The following PCDH9 variants were observed in gnomAD, a reference collection of about 807,000 sequenced individuals.
The protein encoded by PCDH9 is protocadherin 9.
Under a neutral mutation model 70.6 loss-of-function variants are expected in PCDH9, and 24 were observed. The observed-to-expected ratio is 0.34, with a 90% CI of 0.25 to 0.48. The LOEUF (loss-of-function observed/expected upper bound fraction) is 0.48. Among genes scored for constraint, PCDH9 ranks in the 20% least tolerant of loss-of-function variants. The pLI, the probability that PCDH9 is intolerant of heterozygous loss-of-function variation, is 0.99. For synonymous variants in PCDH9, 562 were observed against 558.5 expected (o/e 1.01, Z -0.09); for missense variants, 1,281 against 1,503.6 (o/e 0.85, Z 2.45).
intron 3 of PCDH9, among the ~76,000 whole-genome samples, chr13:66,800,842 A>C (rs188868851): frequency 6.6e-6 from 1 of 152,258 alleles, no homozygotes. Context: ...AGAGGATAAT[A>C]ATGCTACCTA....
intron 4 of PCDH9, among the ~76,000 whole-genome samples, chr13:66,349,517 GC>G (rs1593841209): frequency 6.6e-6 from 1 of 152,176 alleles, no homozygotes; most frequent in East Asian, 1.9e-4. Context: ...CACACCCAGA[GC>G]TTTTTTCACA....
intron 4 of PCDH9, among the ~76,000 whole-genome samples, chr13:66,460,989 T>C (rs1270642877): frequency 1.3e-5 from 2 of 151,924 alleles, no homozygotes; most frequent in Non-Finnish European, 2.9e-5. Context: ...GGGTTTTTCA[T>C]ATCTGTTCCA....
chr13:66,579,354 C>T (rs1767645589), intron 4 of PCDH9, among the ~76,000 whole-genome samples: 1 of 151,914 alleles, frequency 6.6e-6, no homozygotes, highest in Admixed American at 6.6e-5. Flanking sequence ...AGCTAAAATG[C>T]TAAACTTCGA....
At chr13:66,492,531 TC>T (rs1194483301) in intron 4 of PCDH9, among the ~76,000 whole-genome samples, 1 of 150,308 alleles carries the variant, frequency 6.7e-6, no homozygotes, top group East Asian at 1.9e-4. Context: ...TAAAATGGGT[TC>T]AATAAAGGAA....
intron 3 of PCDH9, among the ~76,000 whole-genome samples, chr13:66,711,801 G>A (rs1192929421): frequency 1.3e-5 from 2 of 152,126 alleles, no homozygotes; most frequent in African/African-American, 2.4e-5. Context: ...TATGCTCAGC[G>A]TTTTAAAGAA....
intron 3 of PCDH9, among the ~76,000 whole-genome samples, chr13:66,841,347 T>C (rs1363561225): frequency 6.6e-6 from 1 of 152,136 alleles, no homozygotes; most frequent in East Asian, 1.9e-4. Flanking sequence ...AATTATGTGA[T>C]TTCCCCCCAC....
At chr13:66,518,769 C>T (rs9540783) in intron 4 of PCDH9, among the ~76,000 whole-genome samples, 145,764 of 152,192 alleles carry the variant, frequency 0.96, 70,147 homozygotes, top group East Asian at 1. Context: ...ATGCCTGGAC[C>T]GCAGTGCTGT....
intron 4 of PCDH9, among the ~76,000 whole-genome samples, chr13:66,549,406 C>T (rs146689260): frequency 1.3e-5 from 2 of 152,084 alleles, no homozygotes; most frequent in African/African-American, 4.8e-5. Context: ...TGCTATTATA[C>T]ACATCATCAG....
chr13:66,399,226 T>A (rs979771080), intron 4 of PCDH9, among the ~76,000 whole-genome samples: 1 of 152,168 alleles, frequency 6.6e-6, no homozygotes, highest in African/African-American at 2.4e-5. Flanking sequence ...TCCTGAGTAA[T>A]TAGCCTGGGT....
chr13:66,693,705 T>C (rs1566509924), intron 3 of PCDH9, among the ~76,000 whole-genome samples: 1 of 152,192 alleles, frequency 6.6e-6, no homozygotes. Context: ...CCAAATTATA[T>C]CTTCCTTAAT....
At chr13:66,702,250 A>T (rs1217693279) in intron 3 of PCDH9, among the ~76,000 whole-genome samples, 1 of 152,168 alleles carries the variant, frequency 6.6e-6, no homozygotes, top group African/African-American at 2.4e-5. Flanking sequence ...TTGAAATCTG[A>T]GCACTAAAAT....
At chr13:66,663,821 T>C (rs1397835908) in intron 3 of PCDH9, among the ~76,000 whole-genome samples, 1 of 152,210 alleles carries the variant, frequency 6.6e-6, no homozygotes, top group Non-Finnish European at 1.5e-5. Flanking sequence ...ATGGAATCCT[T>C]TGCAGATAGA....
chr13:66,956,964 G>A (rs1287081350), intron 2 of PCDH9, among the ~76,000 whole-genome samples: 1 of 152,050 alleles, frequency 6.6e-6, no homozygotes. Flanking sequence ...TTTATCTCCA[G>A]ACTGAATTTT....
At chr13:66,960,161 T>C (rs1440685718) in intron 2 of PCDH9, among the ~76,000 whole-genome samples, 1 of 152,236 alleles carries the variant, frequency 6.6e-6, no homozygotes, top group African/African-American at 2.4e-5. Context: ...TGACCTCACA[T>C]TCACTTACAA....
intron 4 of PCDH9, among the ~76,000 whole-genome samples, chr13:66,457,675 C>T (rs1439666816): frequency 2.0e-5 from 3 of 151,696 alleles, no homozygotes; most frequent in African/African-American, 7.3e-5. Flanking sequence ...TTAAAAGATC[C>T]CCAGGCGATT....
chr13:66,969,110 G>C (rs907274794), intron 2 of PCDH9, among the ~76,000 whole-genome samples: 1 of 152,014 alleles, frequency 6.6e-6, no homozygotes, highest in African/African-American at 2.4e-5. Flanking sequence ...TCAGTAAGCT[G>C]TCAATCAATT....
chr13:66,635,486 G>C (rs1457908312), intron 3 of PCDH9, among the ~76,000 whole-genome samples: 1 of 152,022 alleles, frequency 6.6e-6, no homozygotes, highest in South Asian at 2.1e-4. Context: ...TCACACATGG[G>C]GGTGTAGAGA....
intron 2 of PCDH9, among the ~76,000 whole-genome samples, chr13:67,152,353 G>C (rs2087684552): frequency 6.6e-6 from 1 of 152,160 alleles, no homozygotes; most frequent in African/African-American, 2.4e-5. Flanking sequence ...GTACAGCTCA[G>C]AGTAAAAAGC....
At chr13:66,820,859 G>A (rs1217746235) in intron 3 of PCDH9, among the ~76,000 whole-genome samples, 1 of 152,054 alleles carries the variant, frequency 6.6e-6, no homozygotes. Context: ...GTGGGAGGAG[G>A]AAAATGATTA....
Sources: allele counts gnomAD v4.1 joint callset (sites outside exome capture counted in the v4.1 genomes callset), GRCh38; gene constraint gnomAD v4.1.1; transcripts MANE v1.5; gene names NCBI Gene and HGNC (gene_info 2026-07-23, HGNC 2026-07-21).